DCLK2: variants seen among roughly 807,000 people sequenced by gnomAD.
DCLK2 encodes serine/threonine-protein kinase DCLK2.
A neutral mutation model predicts 78.4 loss-of-function variants in DCLK2; 31 were observed. That is an observed-to-expected ratio of 0.40 (90% CI 0.30 to 0.53). The LOEUF is 0.53. Ranked by LOEUF, DCLK2 falls within the 20% of genes least tolerant of loss-of-function variation. The pLI is 0.61. For synonymous variants in DCLK2, 407 were observed against 374.9 expected (o/e 1.09, Z -0.99); for missense variants, 872 against 973.7 (o/e 0.90, Z 1.39).
chr4:150,234,767 AGG>A (rs1433186922), intron 10 of DCLK2, among the ~76,000 whole-genome samples: 7 of 146,802 alleles, frequency 4.8e-5, no homozygotes, highest in African/African-American at 1.8e-4. Flanking sequence ...AAAAAAAAAA[AGG>A]GGGATTGTGG....
In DCLK2 at chr4:150,193,239, T is replaced by G. The variant is rs1295670613; in HGVS notation, c.858T>G (p.Ser286Arg). ...YAQDDFVLDH[S>R]ECRVLKSSYS... ...AAGATGACTTTGTCCTGGATCATAG[T>G]GGTAAGGCAATTCTTCAGCTAATTC... Residue 286 changes from serine (S) to arginine (R), a missense_variant and splice_region_variant, in exon 3 of 16, where the codon AGT (serine) becomes AGG (arginine). Transcript: ENST00000296550. The G allele has an allele frequency of 6.9e-6, 11 of 1,586,548 alleles. No individual in the cohort carries two copies. The highest frequency in any genetic ancestry group is 9.5e-6 in the Non-Finnish European group (11 of 1,158,360).
chr4:150,148,759 G>C (rs151155107), intron 2 of DCLK2, among the ~76,000 whole-genome samples: 2 of 152,020 alleles, frequency 1.3e-5, no homozygotes, highest in African/African-American at 4.8e-5. Flanking sequence ...GAGGCCAGGC[G>C]TGGTGGCTCA....
intron 1 of DCLK2, among the ~76,000 whole-genome samples, chr4:150,097,771 C>T (rs1055689502): frequency 1.3e-5 from 2 of 152,156 alleles, no homozygotes; most frequent in African/African-American, 4.8e-5. Context: ...TGTTTTTCCT[C>T]TTTCTATACA....
intron 14 of DCLK2, among the ~76,000 whole-genome samples, chr4:150,249,157 T>A (rs1743554848): frequency 1.3e-5 from 2 of 151,460 alleles, no homozygotes; most frequent in African/African-American, 2.5e-5. Context: ...TTTTTTTTTA[T>A]TATAAGCAAT....
intron 6 of DCLK2, 90 bp downstream of exon 6, chr4:150,220,868 T>G (rs1741136274): frequency 9.3e-7 from 1 of 1,073,528 alleles, no homozygotes; most frequent in African/African-American, 1.6e-5. Context: ...TAAATTACGA[T>G]CTTCCTAAAG....
intron 2 of DCLK2, among the ~76,000 whole-genome samples, chr4:150,172,658 C>T (rs1019702869): frequency 8.6e-5 from 13 of 150,684 alleles, no homozygotes; most frequent in African/African-American, 3.2e-4. Flanking sequence ...ACCCACAAAC[C>T]CCTAGTTTTA....
At chr4:150,195,935 C>G (rs1238820283) in intron 3 of DCLK2, among the ~76,000 whole-genome samples, 3 of 152,070 alleles carry the variant, frequency 2.0e-5, no homozygotes, top group Admixed American at 6.6e-5. Context: ...TATGCGTCCA[C>G]TGCTATCTTT....
At position 150,102,462 on chromosome 4, in the gene DCLK2, A is replaced by C; in HGVS notation, c.422-16A>C. 6.2e-7 allele frequency: 1 copy of C among 1,604,502 alleles called. No individual in the cohort carries two copies. The highest frequency in any genetic ancestry group is 8.5e-7 in the Non-Finnish European group (1 of 1,174,684). ...TAGAGATAATCATGCTAATAAAATC[A>C]AATTTTGCTTTTTAGGTGAGAGTTA... On this transcript the variant is annotated splice_polypyrimidine_tract_variant and intron_variant, in intron 1 of 15. Transcript: ENST00000296550.
intron 2 of DCLK2, among the ~76,000 whole-genome samples, chr4:150,175,090 A>T (rs1453478821): frequency 5.1e-5 from 3 of 58,816 alleles, no homozygotes; most frequent in African/African-American, 2.3e-4. Context: ...ATTTATATAT[A>T]TATTTATATA....
In DCLK2 at chr4:150,093,968, A is replaced by G. The variant is rs1185115617; in HGVS notation, c.422-8510A>G. Among the ~76,000 whole-genome samples, 6 of 152,228 alleles carry G rather than the reference A, an allele frequency of 3.9e-5. No homozygotes were observed. In the East Asian group the frequency reaches 5.8e-4, roughly 15 times the overall value. ...CAAGAATACACAATGGGGAAAGGAC[A>G]GATTCTTCAACAAATGGTGTTGGGA... is the stretch of plus-strand genomic sequence containing the variant. On this transcript the variant is annotated intron_variant, in intron 1 of 15. Coordinates refer to ENST00000296550, the MANE Select transcript of DCLK2 (RefSeq NM_001040260.4).
At position 150,088,885 on chromosome 4, in the gene DCLK2, CA is replaced by C. The variant is rs556493020; in HGVS notation, c.421+9439del. ...CAGTTCCCCCACGAAAGCACACTCA[CA>C]AGGAGTAATAAAATGGCACATGCGT... On this transcript the variant is annotated intron_variant, in intron 1 of 15. Transcript: ENST00000296550. 3.1e-3 allele frequency among the ~76,000 whole-genome samples: 471 copies of C among 152,338 alleles called. 2 individuals carry two copies. Among genetic ancestry groups the C allele is most frequent in the African/African-American group, 0.01 (428 of 41,572 alleles).
At chr4:150,179,982 A>C (rs1174082715) in intron 2 of DCLK2, among the ~76,000 whole-genome samples, 2 of 152,176 alleles carry the variant, frequency 1.3e-5, no homozygotes, top group Non-Finnish European at 2.9e-5. Flanking sequence ...AAGCTTACAT[A>C]CTTGCCATTC....
chr4:150,080,303 T>A (rs1729161011), intron 1 of DCLK2, among the ~76,000 whole-genome samples: 1 of 152,216 alleles, frequency 6.6e-6, no homozygotes, highest in Admixed American at 6.5e-5. Context: ...TTAGTAATTC[T>A]GCTGTGTCAA....
chr4:150,088,219 G>A (rs1580474523), intron 1 of DCLK2, among the ~76,000 whole-genome samples: 2 of 152,246 alleles, frequency 1.3e-5, no homozygotes, highest in Admixed American at 6.5e-5. Context: ...TTATATTGTT[G>A]TTCATTAAGC....
At chr4:150,195,096 C>G (rs562236199) in intron 3 of DCLK2, among the ~76,000 whole-genome samples, 2 of 134,148 alleles carry the variant, frequency 1.5e-5, no homozygotes, top group Non-Finnish European at 3.1e-5. Flanking sequence ...TGCTAGTGCT[C>G]TCCCTCATTC....
intron 1 of DCLK2, among the ~76,000 whole-genome samples, chr4:150,080,214 TC>T (rs1729152386): frequency 6.6e-6 from 1 of 151,628 alleles, no homozygotes; most frequent in Admixed American, 6.6e-5. Context: ...GGTCAATCTC[TC>T]CAGCCTTATC....
chr4:150,224,958 C>T (rs973287716), intron 8 of DCLK2, among the ~76,000 whole-genome samples: 1 of 152,174 alleles, frequency 6.6e-6, no homozygotes, highest in African/African-American at 2.4e-5. Flanking sequence ...TTATTCCTGA[C>T]ACAGCAGGTA....
chr4:150,191,121 T>C (rs919058718), intron 2 of DCLK2, among the ~76,000 whole-genome samples: 15 of 151,986 alleles, frequency 9.9e-5, no homozygotes, highest in African/African-American at 3.6e-4. Flanking sequence ...TGAGACCCTG[T>C]CTCAAAAGGA....
chr4:150,210,275 C>A (rs1178657220), intron 5 of DCLK2, among the ~76,000 whole-genome samples: 3 of 152,166 alleles, frequency 2.0e-5, no homozygotes, highest in Non-Finnish European at 4.4e-5. Flanking sequence ...TTCTTTCTTA[C>A]CGTAAACCTT....
Sources: allele counts gnomAD v4.1 joint callset (sites outside exome capture counted in the v4.1 genomes callset), GRCh38; gene constraint gnomAD v4.1.1; transcripts MANE v1.5; gene names NCBI Gene and HGNC (gene_info 2026-07-23, HGNC 2026-07-21).